HDAC9: variants seen among roughly 807,000 people sequenced by gnomAD.
The protein encoded by HDAC9 is histone deacetylase 9, also known as MEF-2 interacting transcription repressor (MITR) protein.
In HDAC9, 41 loss-of-function variants were observed where a neutral mutation model predicts 139.4. The ratio of observed to expected loss-of-function variants is 0.29; its 90% CI spans 0.23 to 0.38. The LOEUF is 0.38. Among genes scored for constraint, HDAC9 ranks in the 10% least tolerant of loss-of-function variants. The probability of loss-of-function intolerance (pLI) is 1.00; values close to 1 mark genes in which losing one functional copy is unlikely to be tolerated. For synonymous variants in HDAC9, 517 were observed against 476.2 expected (o/e 1.09, Z -1.12); for missense variants, 1,147 against 1,297.0 (o/e 0.88, Z 1.78).
intron 2 of HDAC9, among the ~76,000 whole-genome samples, chr7:18,568,899 T>G (rs976360282): frequency 2.6e-5 from 4 of 151,808 alleles, no homozygotes; most frequent in African/African-American, 9.7e-5. Context: ...AATACAAAAT[T>G]AGCTGGGCGT....
chr7:18,623,416 C>G (rs1342602846), intron 6 of HDAC9, among the ~76,000 whole-genome samples: 1 of 152,066 alleles, frequency 6.6e-6, no homozygotes, highest in Non-Finnish European at 1.5e-5. Context: ...AGCCATCTCT[C>G]TCTCTACTTA....
intron 25 of HDAC9, among the ~76,000 whole-genome samples, chr7:18,982,745 C>A (rs1471109659): frequency 6.6e-6 from 1 of 152,140 alleles, no homozygotes; most frequent in Non-Finnish European, 1.5e-5. Flanking sequence ...TACTGTATTT[C>A]TTAATCTGAC....
intron 17 of HDAC9, among the ~76,000 whole-genome samples, chr7:18,826,801 C>CTTTA (rs1196933928): frequency 1.3e-5 from 2 of 151,616 alleles, no homozygotes. Flanking sequence ...TGTTGTCATG[C>CTTTA]TTTAACTCCT....
At chr7:18,993,323 G>T (rs1786153316) in intron 25 of HDAC9, among the ~76,000 whole-genome samples, 2 of 152,126 alleles carry the variant, frequency 1.3e-5, no homozygotes, top group African/African-American at 4.8e-5. Flanking sequence ...AACCGTGAGG[G>T]CAAGTAAGGG....
At chr7:18,416,582 C>G (rs1256080465) in intron 1 of HDAC9, among the ~76,000 whole-genome samples, 1 of 152,054 alleles carries the variant, frequency 6.6e-6, no homozygotes, top group Non-Finnish European at 1.5e-5. Context: ...ATGTCTATAA[C>G]AGATATAGGG....
At chr7:18,120,692 T>A (rs1784314490) in intron 1 of HDAC9, among the ~76,000 whole-genome samples, 3 of 152,356 alleles carry the variant, frequency 2.0e-5, no homozygotes, top group Middle Eastern at 6.8e-3. Flanking sequence ...GGCAAAAATC[T>A]GTAGTCATAA....
chr7:18,559,950 G>T (rs937532471), intron 2 of HDAC9, among the ~76,000 whole-genome samples: 2 of 152,126 alleles, frequency 1.3e-5, no homozygotes, highest in African/African-American at 4.8e-5. Flanking sequence ...TCCTATATTT[G>T]TTTTGATTAC....
At chr7:18,494,379 G>T (rs941326356), upstream of HDAC9, among the ~76,000 whole-genome samples, 2 of 151,980 alleles carry the variant, frequency 1.3e-5, no homozygotes, top group African/African-American at 4.8e-5. Flanking sequence ...AGTTGACCAA[G>T]ATCCCTCTTC....
chr7:18,668,023 G>A (rs1425654033), intron 12 of HDAC9: 1 of 978,362 alleles, frequency 1.0e-6, no homozygotes, highest in African/African-American at 1.8e-5. Flanking sequence ...CTATTTCAAA[G>A]GAGATATAGC....
chr7:18,134,445 T>C (rs1044535086), intron 1 of HDAC9, among the ~76,000 whole-genome samples: 1 of 152,182 alleles, frequency 6.6e-6, no homozygotes, highest in Non-Finnish European at 1.5e-5. Flanking sequence ...TTAACTGTAC[T>C]GTCATTATCA....
At chr7:18,452,534 C>A (rs1315671665) in intron 1 of HDAC9, among the ~76,000 whole-genome samples, 1 of 152,120 alleles carries the variant, frequency 6.6e-6, no homozygotes, top group Non-Finnish European at 1.5e-5. Flanking sequence ...TTATAAGATG[C>A]AGACTTAGAT....
intron 25 of HDAC9, 73 bp from the exon 26 acceptor site, chr7:18,995,950 G>C (rs1011584191): frequency 8.4e-5 from 95 of 1,129,010 alleles, no homozygotes; most frequent in Non-Finnish European, 1.2e-4. Flanking sequence ...AATCAGCTTT[G>C]ATTATGCATG....
At chr7:18,202,024 G>A (rs573988289) in intron 2 of HDAC9, among the ~76,000 whole-genome samples, 1 of 152,188 alleles carries the variant, frequency 6.6e-6, no homozygotes, top group Non-Finnish European at 1.5e-5. Context: ...TTTTTAAGAA[G>A]AGAAAGTTGG....
intron 23 of HDAC9, among the ~76,000 whole-genome samples, chr7:18,944,903 A>G (rs1782268558): frequency 6.6e-6 from 1 of 152,196 alleles, no homozygotes; most frequent in Admixed American, 6.5e-5. Context: ...CATTCTATAA[A>G]AATAACTTTT....
At chr7:18,789,757 T>C (rs1480655801) in intron 16 of HDAC9, among the ~76,000 whole-genome samples, 2 of 152,178 alleles carry the variant, frequency 1.3e-5, no homozygotes, top group Non-Finnish European at 2.9e-5. Flanking sequence ...CTTTCCCTTT[T>C]TTCTTCCCCT....
rs187227950 is a variant in HDAC9, at chr7:18,953,377, T to C, written c.2938-769T>C. Among the ~76,000 whole-genome samples the C allele has an allele frequency of 3.9e-5, 6 of 152,236 alleles. No individual in the cohort carries two copies. In the East Asian group the frequency reaches 1.2e-3, roughly 29 times the overall value. The stretch of plus-strand genomic sequence containing the variant: ...TGCCAAACTAATCACCACAGCATTC[T>C]GAGGGATGTGTTATCAGACTTAGGC... On this transcript the variant is annotated intron_variant, in intron 23 of 25. Transcript: ENST00000686413.
chr7:18,414,081 G>A (rs576404697), intron 1 of HDAC9, among the ~76,000 whole-genome samples: 21 of 152,192 alleles, frequency 1.4e-4, no homozygotes, highest in Non-Finnish European at 1.5e-5. Flanking sequence ...TAAAACTGAG[G>A]TGCTGTAACT....
intron 21 of HDAC9, among the ~76,000 whole-genome samples, chr7:18,865,906 G>C (rs1798459538): frequency 6.6e-6 from 1 of 151,372 alleles, no homozygotes; most frequent in African/African-American, 2.4e-5. Context: ...AGAGAAAAAA[G>C]GTAGGCTTGG....
chr7:18,940,226 G>T lies in HDAC9; in HGVS notation c.2937+4284G>T, dbSNP rs1781931284. Among the ~76,000 whole-genome samples, 3 of 152,244 alleles carry T rather than the reference G, an allele frequency of 2.0e-5. No individual in the cohort carries two copies. In the South Asian group the frequency reaches 6.2e-4, roughly 32 times the overall value. Reference sequence around the variant, plus strand: ...ATTTTTAAAAATTTTAGTTATCTGAGTGTTGCACCCAAAACATGCATTTTC... The same window carrying T: ...ATTTTTAAAAATTTTAGTTATCTGATTGTTGCACCCAAAACATGCATTTTC... On this transcript the variant is annotated intron_variant, in intron 23 of 25. Transcript: ENST00000686413.
Sources: allele counts gnomAD v4.1 joint callset (sites outside exome capture counted in the v4.1 genomes callset), GRCh38; gene constraint gnomAD v4.1.1; transcripts MANE v1.5; gene names NCBI Gene and HGNC (gene_info 2026-07-23, HGNC 2026-07-21).